The following CMTR2 variants were observed in gnomAD, a reference collection of about 807,000 sequenced individuals.
The protein encoded by CMTR2 is cap methyltransferase 2, also known as cap-specific mRNA (nucleoside-2'-O-)-methyltransferase 2.
Under a neutral mutation model 49.8 loss-of-function variants are expected in CMTR2, and 40 were observed. That is an observed-to-expected ratio of 0.80 (90% CI 0.62 to 1.04). The LOEUF is 1.04. CMTR2 is among the 50% of genes least tolerant of loss of function. CMTR2 has a pLI of 0.00. For synonymous variants in CMTR2, 326 were observed against 315.8 expected, an observed-to-expected ratio of 1.03 and a Z score of -0.34; for missense variants, 907 against 897.2, an observed-to-expected ratio of 1.01 and a Z score of -0.14.
In CMTR2 at chr16:71,285,949, G is replaced by T; in HGVS notation, c.-19-10C>A. ...CAAATCAAATTAAAATCTAGGAAGA[G>T]AAAACACATAATTAAATGAATCAAA... is the stretch of plus-strand genomic sequence containing the variant. On this transcript the variant is annotated splice_polypyrimidine_tract_variant and intron_variant, in intron 2 of 2. Transcript: ENST00000434935. 1 of 1,524,812 alleles carries T rather than the reference G, an allele frequency of 6.6e-7. No homozygotes were observed. Among genetic ancestry groups the T allele is most frequent in the Non-Finnish European group, 8.8e-7 (1 of 1,137,674 alleles). The allele number at this position is 1,524,812 out of a possible 1,614,324, so 94.5% of individuals were successfully genotyped here.
chr16:71,285,832 A>C lies in CMTR2; in HGVS notation c.89T>G (p.Phe30Cys). 6.2e-7 allele frequency: 1 copy of C among 1,614,058 alleles called. No homozygotes were observed. Among genetic ancestry groups the C allele is most frequent in the Non-Finnish European group, 8.5e-7 (1 of 1,179,980 alleles). ...CTTGCCATAAGAAAAGTTCTTGGCA[A>C]AGAGTTCAAAAATGTCAGCAAGAAT... Reference protein sequence around the residue: ...PDILADIFELFAKNFSYGKPL... With the variant: ...PDILADIFELCAKNFSYGKPL... The change falls in exon 3 of 3, where the codon TTT becomes TGT. Residue 30 changes from phenylalanine (F) to cysteine (C), a missense_variant. Transcript: ENST00000434935.
chr16:71,288,725 A>G (rs541406487), intron 2 of CMTR2, 153 bp downstream of exon 2: 30 of 152,114 alleles, frequency 2.0e-4, no homozygotes, highest in African/African-American at 7.0e-4. Context: ...GCCTTTCATT[A>G]AACAGTCCTT....
chr16:71,283,531 AAATT>A lies in CMTR2; in HGVS notation c.*73_*76del. 6.7e-7 allele frequency: 1 copy of A among 1,488,000 alleles called. No homozygotes were observed. Among genetic ancestry groups the A allele is most frequent in the Non-Finnish European group, 9.0e-7 (1 of 1,115,558 alleles). 92.2% of individuals were successfully genotyped at this position (1,488,000 alleles called of 1,614,324 possible). ...CCTTTCCCCAAAATAAAAGGTTTTT[AAATT>A]AATAGAGCAACAGGATGCAAATACT... On this transcript the variant is annotated 3_prime_UTR_variant, in exon 3 of 3. Transcript: ENST00000434935.
chr16:71,287,198 A>T (rs573583165), intron 2 of CMTR2: 1 of 152,232 alleles, frequency 6.6e-6, no homozygotes, highest in Non-Finnish European at 1.5e-5. Context: ...ACTCCAGAAA[A>T]GCAGATGTTC....
Position 71,285,743 on chromosome 16 carries a change from G to A in CMTR2, c.178C>T (p.Leu60Phe), listed in dbSNP as rs3096380. 0.95 allele frequency: 1,540,809 copies of A among 1,613,788 alleles called. 736,211 individuals are homozygous for A. Among genetic ancestry groups the A allele is most frequent in the Non-Finnish European group, 0.96 (1,132,685 of 1,179,840 alleles). Residue 60 changes from leucine to phenylalanine, a missense_variant, in exon 3 of 3, where the codon CTT (leucine) becomes TTT (phenylalanine). By Grantham distance (22) the Leu-to-Phe change is conservative. Coordinates refer to ENST00000434935, the MANE Select transcript of CMTR2 (RefSeq NM_018348.6). ...TTCTTCAAATCAAGAAATGCATTAAGTTCAGTGTGGTCACAGGTGAAAATC... is the reference window on the plus strand; with the variant it reads ...TTCTTCAAATCAAGAAATGCATTAAATTCAGTGTGGTCACAGGTGAAAATC... ...SEIFTCDHTE[L>F]NAFLDLKNSL...
chr16:71,285,643 T>C lies in CMTR2; in HGVS notation c.278A>G (p.Asn93Ser). The C allele has an allele frequency of 6.2e-7, 1 of 1,613,856 alleles. No homozygotes were observed. The highest frequency in any genetic ancestry group is 8.5e-7 in the Non-Finnish European group (1 of 1,179,738). Residue 93 changes from asparagine to serine, a missense_variant, in exon 3 of 3, where the codon AAT becomes AGT. Asn to Ser is a conservative substitution (Grantham distance 46). Transcript: ENST00000434935. ...DEWHEHTAFT[N>S]KAGKIISHVR... ...ATGAGAAATGATTTTCCCCGCTTTATTAGTGAAAGCAGTGTGCTCATGCCA... is the reference window on the plus strand; with the variant it reads ...ATGAGAAATGATTTTCCCCGCTTTACTAGTGAAAGCAGTGTGCTCATGCCA...
rs2041613656 is a variant in CMTR2 at position 71,281,701 on chromosome 16, G to A, written c.*1907C>T. The A allele has an allele frequency of 6.6e-6, 1 of 151,804 alleles. No homozygotes were observed. The highest frequency in any genetic ancestry group is 2.4e-5 in the African/African-American group (1 of 41,380). 9.4% of individuals were successfully genotyped at this position (151,804 alleles called of 1,614,324 possible). On this transcript the variant is annotated 3_prime_UTR_variant, in exon 3 of 3. Coordinates refer to ENST00000434935, the MANE Select transcript of CMTR2 (RefSeq NM_018348.6). ...ATGAGCAATTGATTCCAAAACCCACGTTAAAAAGCAAAATACATTTGAGAA... is the reference window on the plus strand; with the variant it reads ...ATGAGCAATTGATTCCAAAACCCACATTAAAAAGCAAAATACATTTGAGAA...
In CMTR2 at chr16:71,285,035, C is replaced by A; in HGVS notation, c.886G>T (p.Asp296Tyr). Residue 296 changes from aspartate (D) to tyrosine (Y), a missense_variant, in exon 3 of 3, where the codon GAC becomes TAC. Coordinates refer to ENST00000434935, the MANE Select transcript of CMTR2 (RefSeq NM_018348.6). ...NLMYLLNCCF[D>Y]QVHVFKPATS... is the part of the protein sequence containing the mutation. ...GCAGGTTTGAAAACATGGACTTGGT[C>A]AAAACAACAGTTTAGCAGGTACATC... 1 of 1,613,824 alleles carries A rather than the reference C, an allele frequency of 6.2e-7. No individual in the cohort carries two copies. The highest frequency in any genetic ancestry group is 1.1e-5 in the South Asian group (1 of 90,976).
Position 71,285,318 on chromosome 16 carries a change from G to C in CMTR2, c.603C>G (p.Tyr201Ter). ...TATCACCAGTGTTATCTGGACCAAA[G>C]TACCACCAGTGCAAGGTATTTGCAA... The part of the protein sequence containing the change: ...RLIANTLHWW[Y>*]FGPDNTGDIM... The change falls in exon 3 of 3, where the codon TAC becomes TAG. Residue 201 changes from tyrosine (Y) to a stop codon, truncating the protein, a stop_gained. Coordinates refer to ENST00000434935, the MANE Select transcript of CMTR2 (RefSeq NM_018348.6). LOFTEE classifies it high-confidence loss of function. 1.2e-6 allele frequency: 2 copies of C among 1,614,136 alleles called. No individual in the cohort carries two copies. Among genetic ancestry groups the C allele is most frequent in the Non-Finnish European group, 1.7e-6 (2 of 1,179,996 alleles).
At position 71,284,954 on chromosome 16, in the gene CMTR2, T is replaced by G. The variant is rs2041690326; in HGVS notation, c.967A>C (p.Arg323=). Residue 323 remains arginine (R), a synonymous_variant, in exon 3 of 3, where the codon AGA becomes CGA. Transcript: ENST00000434935. ...VYVVCLHYKG[R]EAIHPLLSKM... Reference sequence around the variant, plus strand: ...GATAACAGAGGATGGATGGCCTCTCTCCCCTTATAGTGGAGGCAAACCACA... The same window carrying G: ...GATAACAGAGGATGGATGGCCTCTCGCCCCTTATAGTGGAGGCAAACCACA... 1.2e-6 allele frequency: 2 copies of G among 1,614,028 alleles called. No individual in the cohort carries two copies. The highest frequency in any genetic ancestry group is 1.1e-5 in the South Asian group (1 of 91,080).
rs764585691 is a variant in CMTR2 at position 71,285,664 on chromosome 16, T to C, written c.257A>G (p.His86Arg). Residue 86 changes from histidine (H) to arginine (R), a missense_variant, in exon 3 of 3, where the codon CAT becomes CGT. His to Arg is a conservative substitution (Grantham distance 29). Coordinates refer to ENST00000434935, the MANE Select transcript of CMTR2 (RefSeq NM_018348.6). ...TTTATTAGTGAAAGCAGTGTGCTCA[T>C]GCCACTCATCCAGTTTCTTATCACT... The part of the protein sequence containing the change: ...LLSDKKLDEW[H>R]EHTAFTNKAG... 1 of 1,613,808 alleles carries C rather than the reference T, an allele frequency of 6.2e-7. No homozygotes were observed. Among genetic ancestry groups the C allele is most frequent in the Admixed American group, 1.7e-5 (1 of 59,936 alleles).
At position 71,285,419 on chromosome 16, in the gene CMTR2, T is replaced by A. The variant is rs1444479014; in HGVS notation, c.502A>T (p.Ser168Cys). The change falls in exon 3 of 3, where the codon AGT becomes TGT. Residue 168 changes from serine to cysteine, a missense_variant. By Grantham distance (112) the Ser-to-Cys change is moderately radical. Coordinates refer to ENST00000434935, the MANE Select transcript of CMTR2 (RefSeq NM_018348.6). ...LKSHRFPCHW[S>C]WVANTLNPYH... ...GGATTCAGAGTATTCGCTACCCAACTCCAATGACAAGGAAACCGATGGGAT... is the reference window on the plus strand; with the variant it reads ...GGATTCAGAGTATTCGCTACCCAACACCAATGACAAGGAAACCGATGGGAT... 6.2e-7 allele frequency: 1 copy of A among 1,614,060 alleles called. No individual in the cohort carries two copies. Among genetic ancestry groups the A allele is most frequent in the East Asian group, 2.2e-5 (1 of 44,874 alleles).
At position 71,285,320 on chromosome 16, in the gene CMTR2, A is replaced by C; in HGVS notation, c.601T>G (p.Tyr201Asp). 1 of 1,614,164 alleles carries C rather than the reference A, an allele frequency of 6.2e-7. No homozygotes were observed. The highest frequency in any genetic ancestry group is 8.5e-7 in the Non-Finnish European group (1 of 1,179,998). ...RLIANTLHWWYFGPDNTGDIM... is the reference protein window; with the variant it reads ...RLIANTLHWWDFGPDNTGDIM... ...TCACCAGTGTTATCTGGACCAAAGT[A>C]CCACCAGTGCAAGGTATTTGCAATA... The change falls in exon 3 of 3, where the codon TAC becomes GAC. Residue 201 changes from tyrosine (Y) to aspartate (D), a missense_variant. By Grantham distance (160) the Tyr-to-Asp change is radical (BLOSUM62 -3). Transcript: ENST00000434935.
rs1290535475 is a variant in CMTR2 at position 71,289,356 on chromosome 16, G to A, written c.-300C>T. ...GCACCGGGAAGCCAGTCCCACCTCC[G>A]GGCCCCGCAGCCGCGAATGCCGGCA... On this transcript the variant is annotated 5_prime_UTR_variant, in exon 1 of 3. Coordinates refer to ENST00000434935, the MANE Select transcript of CMTR2 (RefSeq NM_018348.6). The A allele has an allele frequency of 6.6e-6, 1 of 152,238 alleles. No individual in the cohort carries two copies. Among genetic ancestry groups the A allele is most frequent in the Non-Finnish European group, 1.5e-5 (1 of 68,076 alleles). The allele number at this position is 152,238 out of a possible 1,614,324, so 9.4% of individuals were successfully genotyped here.
rs1389872100 is a variant in CMTR2 at position 71,281,548 on chromosome 16, TCTC to T, written c.*2057_*2059del. The T allele has an allele frequency of 1.3e-5, 2 of 151,968 alleles. No individual in the cohort carries two copies. The highest frequency in any genetic ancestry group is 6.6e-5 in the Admixed American group (1 of 15,256). 9.4% of individuals were successfully genotyped at this position (151,968 alleles called of 1,614,324 possible). A position where few individuals can be genotyped will look rare whatever the true frequency, so the allele number is the denominator to read the frequency against. ...TTCATCTTTTGAATAGCATTTTTCC[TCTC>T]CTTTCTCTTAAAGAGAAACTCATAT... On this transcript the variant is annotated 3_prime_UTR_variant, in exon 3 of 3. Coordinates refer to ENST00000434935, the MANE Select transcript of CMTR2 (RefSeq NM_018348.6).
rs142058464 is a variant in CMTR2, at chr16:71,285,025, T to C, written c.896A>G (p.His299Arg). ...YLLNCCFDQV[H>R]VFKPATSKAG... is the part of the protein sequence containing the mutation. ...CTTGCTAGTAGCAGGTTTGAAAACA[T>C]GGACTTGGTCAAAACAACAGTTTAG... is the stretch of plus-strand genomic sequence containing the variant. Residue 299 changes from histidine (H) to arginine (R), a missense_variant, in exon 3 of 3, where the codon CAT becomes CGT. Physicochemically the swap from His to Arg is conservative, Grantham distance 29. Transcript: ENST00000434935. 6 of 1,613,890 alleles carry C rather than the reference T, an allele frequency of 3.7e-6. No individual in the cohort carries two copies. The highest frequency in any genetic ancestry group is 3.3e-5 in the Admixed American group (2 of 59,968).
rs566051350 is a variant in CMTR2 at position 71,283,662 on chromosome 16, G to A, written c.2259C>T (p.Phe753=). The A allele has an allele frequency of 1.2e-6, 2 of 1,613,466 alleles. No homozygotes were observed. The highest frequency in any genetic ancestry group is 1.3e-5 in the African/African-American group (1 of 74,884). ...NAAIAKRHLH[F]IIQREREEII... is the part of the protein sequence containing the mutation. ...TTTCTTCTCTCTCTCTTTGAATAAT[G>A]AAATGCAAATGCCTTTTAGCAATGG... is the stretch of plus-strand genomic sequence containing the variant. Residue 753 remains phenylalanine, a synonymous_variant, in exon 3 of 3, where the codon TTC becomes TTT. Coordinates refer to ENST00000434935, the MANE Select transcript of CMTR2 (RefSeq NM_018348.6).
Position 71,285,298 on chromosome 16 carries a change from C to T in CMTR2, c.623G>A (p.Gly208Asp). 1 of 1,614,132 alleles carries T rather than the reference C, an allele frequency of 6.2e-7. No homozygotes were observed. The highest frequency in any genetic ancestry group is 8.5e-7 in the Non-Finnish European group (1 of 1,179,992). ...HWWYFGPDNTGDIMTLKFLTG... is the reference protein window; with the variant it reads ...HWWYFGPDNTDDIMTLKFLTG... ...CAAGAATTTCAGGGTCATGATATCA[C>T]CAGTGTTATCTGGACCAAAGTACCA... Residue 208 changes from glycine (G) to aspartate (D), a missense_variant, in exon 3 of 3, where the codon GGT becomes GAT. By Grantham distance (94) the Gly-to-Asp change is moderately conservative. Coordinates refer to ENST00000434935, the MANE Select transcript of CMTR2 (RefSeq NM_018348.6).
At position 71,284,624 on chromosome 16, in the gene CMTR2, A is replaced by AT. The variant is rs775222219; in HGVS notation, c.1296dup (p.Trp433MetfsTer10). 1.2e-6 allele frequency: 2 copies of AT among 1,612,978 alleles called. No homozygotes were observed. Among genetic ancestry groups the AT allele is most frequent in the South Asian group, 2.2e-5 (2 of 90,778 alleles). On this transcript the variant is annotated frameshift_variant, in exon 3 of 3. Transcript: ENST00000434935. LOFTEE classifies it high-confidence loss of function. ...AAATATTTGTTCCTCTGCCCAAACC[A>AT]TTTTGTATTTGTACTACAACCAATA...
Sources: gnomAD v4.1 joint callset for allele counts on GRCh38, gnomAD v4.1.1 for gene constraint, MANE v1.5 for transcripts, NCBI Gene and HGNC (gene_info 2026-07-23, HGNC 2026-07-21) for gene names.